Variants in CELF4 observed in about 807,000 individuals in gnomAD.
The protein encoded by CELF4 is CUG-BP- and ETR-3-like factor 4.
A neutral mutation model predicts 59.9 loss-of-function variants in CELF4; 18 were observed. The observed-to-expected ratio is 0.30, with a 90% CI of 0.21 to 0.45. The LOEUF is 0.45. Ranked by LOEUF, CELF4 falls within the 20% of genes least tolerant of loss-of-function variation. CELF4 has a pLI of 1.00. For synonymous variants in CELF4, 261 were observed against 267.1 expected (o/e 0.98, Z 0.22); for missense variants, 456 against 689.0 (o/e 0.66, Z 3.79).
At chr18:37,444,863 G>T (rs79584258) in intron 2 of CELF4, among the ~76,000 whole-genome samples, 1,688 of 152,250 alleles carry the variant, frequency 0.011, 29 homozygotes, top group African/African-American at 0.038. Context: ...GTCACCAAAA[G>T]AACTTGAGTT....
chr18:37,414,054 A>G (rs1569569161), intron 2 of CELF4, among the ~76,000 whole-genome samples: 1 of 152,198 alleles, frequency 6.6e-6, no homozygotes, highest in Non-Finnish European at 1.5e-5. Context: ...GTGTCAAGTC[A>G]TTGACACTTC....
intron 1 of CELF4, among the ~76,000 whole-genome samples, chr18:37,552,973 T>C (rs1377865331): frequency 6.6e-6 from 1 of 152,240 alleles, no homozygotes; most frequent in Non-Finnish European, 1.5e-5. Context: ...TTTCTCGCAC[T>C]GAGACATCAC....
chr18:37,402,785 G>T (rs2099346247), intron 2 of CELF4, among the ~76,000 whole-genome samples: 1 of 152,294 alleles, frequency 6.6e-6, no homozygotes, highest in Admixed American at 6.5e-5. Context: ...ACTGGCCAGG[G>T]CTGTTCCTTC....
intron 2 of CELF4, among the ~76,000 whole-genome samples, chr18:37,355,613 C>G (rs1051259613): frequency 6.6e-6 from 1 of 151,850 alleles, no homozygotes; most frequent in Non-Finnish European, 1.5e-5. Context: ...GCAGAGGTTG[C>G]AGTGAGCCGA....
chr18:37,365,481 ATT>A (rs10670336), intron 2 of CELF4, among the ~76,000 whole-genome samples: 20 of 97,762 alleles, frequency 2.0e-4, no homozygotes, highest in Middle Eastern at 6.2e-3. Context: ...GGATGGGGCA[ATT>A]TTTTTTTTTT....
intron 1 of CELF4, among the ~76,000 whole-genome samples, chr18:37,489,166 C>T (rs996337199): frequency 6.6e-6 from 1 of 152,280 alleles, no homozygotes; most frequent in African/African-American, 2.4e-5. Context: ...CAGTCCATCT[C>T]CAGCCCATCC....
At chr18:37,443,694 C>T (rs2099739726) in intron 2 of CELF4, among the ~76,000 whole-genome samples, 1 of 152,112 alleles carries the variant, frequency 6.6e-6, no homozygotes, top group Admixed American at 6.5e-5. Context: ...GGAGCAGACC[C>T]TGATTCCTCG....
At chr18:37,499,710 T>G (rs1229201771) in intron 1 of CELF4, among the ~76,000 whole-genome samples, 3 of 152,152 alleles carry the variant, frequency 2.0e-5, no homozygotes, top group African/African-American at 7.2e-5. Flanking sequence ...GGTCAATGGT[T>G]TGCATGACAG....
chr18:37,479,692 T>C (rs547760013), intron 2 of CELF4, among the ~76,000 whole-genome samples: 1 of 152,172 alleles, frequency 6.6e-6, no homozygotes, highest in Admixed American at 6.5e-5. Flanking sequence ...GCCTTTATCC[T>C]CCCTACTGTG....
At chr18:37,507,181 C>T (rs2099939047) in intron 1 of CELF4, among the ~76,000 whole-genome samples, 1 of 152,218 alleles carries the variant, frequency 6.6e-6, no homozygotes, top group African/African-American at 2.4e-5. Flanking sequence ...ACGATGGTCT[C>T]ATATGCTCCC....
intron 2 of CELF4, among the ~76,000 whole-genome samples, chr18:37,359,789 C>T (rs1011496511): frequency 2.6e-5 from 4 of 152,030 alleles, no homozygotes; most frequent in East Asian, 3.9e-4. Flanking sequence ...CCTCGTGGTC[C>T]GCCCACCTCA....
At chr18:37,313,664 T>G (rs2096757017) in intron 3 of CELF4, among the ~76,000 whole-genome samples, 2 of 152,206 alleles carry the variant, frequency 1.3e-5, no homozygotes, top group Non-Finnish European at 2.9e-5. Context: ...GGTGGGGCCC[T>G]TGAAGCCCTT....
intron 2 of CELF4, among the ~76,000 whole-genome samples, chr18:37,333,354 C>T (rs1007651498): frequency 1.8e-4 from 27 of 151,256 alleles, no homozygotes; most frequent in African/African-American, 6.1e-4. Flanking sequence ...CCCCCCTCTC[C>T]CTCTTCCCCC....
At chr18:37,371,052 C>T (rs532830175) in intron 2 of CELF4, among the ~76,000 whole-genome samples, 2 of 152,312 alleles carry the variant, frequency 1.3e-5, no homozygotes, top group South Asian at 2.1e-4. Context: ...TGTTCTTCGC[C>T]TGTCCCTGCC....
Position 37,253,758 on chromosome 18 carries a change from C to T in CELF4, c.*44+9G>A, listed in dbSNP as rs2067096895. ...CCCCCGTCCCCGCGCCCCGGCCGCC[C>T]CCGGTTACCTGTGCGAGTCCTGGTC... On this transcript the variant is annotated intron_variant, in intron 12 of 12. Transcript: ENST00000420428. This position sits in a 1 kb window ranked among gnomAD's most constrained non-coding sequence, Gnocchi z 4.5. 1 of 1,557,846 alleles carries T rather than the reference C, an allele frequency of 6.4e-7. No homozygotes were observed. Among genetic ancestry groups the T allele is most frequent in the African/African-American group, 1.4e-5 (1 of 71,442 alleles).
chr18:37,385,084 C>T (rs939844220), intron 2 of CELF4, among the ~76,000 whole-genome samples: 32 of 152,224 alleles, frequency 2.1e-4, no homozygotes, highest in African/African-American at 7.5e-4. Flanking sequence ...TGGTGGCTCA[C>T]GCCTGTAATC....
At chr18:37,355,957 T>C (rs1409390178) in intron 2 of CELF4, among the ~76,000 whole-genome samples, 1 of 152,060 alleles carries the variant, frequency 6.6e-6, no homozygotes, top group Non-Finnish European at 1.5e-5. Flanking sequence ...AGGCATCTGT[T>C]CTGAGCCATC....
chr18:37,408,564 A>G (rs1220985906), intron 2 of CELF4, among the ~76,000 whole-genome samples: 3 of 149,506 alleles, frequency 2.0e-5, no homozygotes, highest in African/African-American at 7.4e-5. Flanking sequence ...GGCAAATCTG[A>G]AGGCCTCATC....
At chr18:37,435,165 C>T (rs1180474232) in intron 2 of CELF4, among the ~76,000 whole-genome samples, 6 of 152,178 alleles carry the variant, frequency 3.9e-5, no homozygotes, top group African/African-American at 9.6e-5. Context: ...ACTACTCTGA[C>T]CTGACTGTGA....
Sources: allele counts gnomAD v4.1 joint callset (sites outside exome capture counted in the v4.1 genomes callset), GRCh38; gene constraint gnomAD v4.1.1; non-coding constraint Gnocchi (gnomAD v3.1); transcripts MANE v1.5; gene names NCBI Gene and HGNC (gene_info 2026-07-23, HGNC 2026-07-21).